PCDH15: variants seen among roughly 807,000 people sequenced by gnomAD.
PCDH15 encodes protocadherin related 15, also known as protocadherin-15.
In PCDH15, 129 loss-of-function variants were observed where a neutral mutation model predicts 178.5. The ratio of observed to expected loss-of-function variants is 0.72; its 90% CI spans 0.63 to 0.84. PCDH15 has a LOEUF of 0.84. Among genes scored for constraint, PCDH15 ranks in the 40% least tolerant of loss-of-function variants. The pLI, the probability that PCDH15 is intolerant of heterozygous loss-of-function variation, is 0.00. For synonymous variants in PCDH15, 800 were observed against 732.0 expected (o/e 1.09, Z -1.50); for missense variants, 2,230 against 2,099.9 (o/e 1.06, Z -1.21).
At chr10:54,859,947 T>C (rs1217434406) in intron 3 of PCDH15, among the ~76,000 whole-genome samples, 1 of 152,002 alleles carries the variant, frequency 6.6e-6, no homozygotes, top group Non-Finnish European at 1.5e-5. Flanking sequence ...TAAGCATCTA[T>C]TCCCATTAAT....
At chr10:54,462,680 ATTTTTTTTTTTTTT>A (rs767750465) in intron 3 of PCDH15, among the ~76,000 whole-genome samples, 19 of 56,234 alleles carry the variant, frequency 3.4e-4, no homozygotes, top group African/African-American at 1.2e-3. Flanking sequence ...CACCTGCTTA[ATTTTTTTTTTTTTT>A]TTTTTTTTTT....
intron 13 of PCDH15, among the ~76,000 whole-genome samples, chr10:54,169,907 C>G (rs1413804931): frequency 6.6e-6 from 1 of 151,140 alleles, no homozygotes; most frequent in Non-Finnish European, 1.5e-5. Flanking sequence ...GCCTTATCAA[C>G]CAAATTGTTT....
rs10825127 is a variant in PCDH15 at position 53,855,924 on chromosome 10, A to G, written c.3806+1251T>C. On this transcript the variant is annotated intron_variant, in intron 28 of 37. Coordinates refer to ENST00000644397, the MANE Select transcript of PCDH15 (RefSeq NM_001384140.1). The stretch of plus-strand genomic sequence containing the variant: ...GATATGTATATATATATATATATGT[A>G]TGTGTGTGTGTGTAATGAAATAGTA... Among the ~76,000 whole-genome samples, 1,122 of 140,734 alleles carry G rather than the reference A, an allele frequency of 8.0e-3. 61 individuals carry two copies. The highest frequency in any genetic ancestry group is 0.068 in the East Asian group (226 of 3,326). 92.3% of individuals were successfully genotyped at this position (140,734 alleles called of 152,430 possible).
At chr10:55,167,598 C>A (rs1839229772) in intron 1 of PCDH15, among the ~76,000 whole-genome samples, 1 of 152,116 alleles carries the variant, frequency 6.6e-6, no homozygotes. Flanking sequence ...ACATTGGTAT[C>A]TTTCTACTGT....
chr10:53,826,444 G>GTAAC (rs1321602358), intron 32 of PCDH15, among the ~76,000 whole-genome samples: 1 of 151,886 alleles, frequency 6.6e-6, no homozygotes, highest in Non-Finnish European at 1.5e-5. Flanking sequence ...ATTGCTACTA[G>GTAAC]TAACTGATAC....
intron 2 of PCDH15, among the ~76,000 whole-genome samples, chr10:55,006,494 T>A (rs1839930905): frequency 6.6e-6 from 1 of 152,226 alleles, no homozygotes; most frequent in Non-Finnish European, 1.5e-5. Flanking sequence ...AGCTAAAAGG[T>A]AGAAGGAACA....
intron 2 of PCDH15, among the ~76,000 whole-genome samples, chr10:54,905,841 C>T (rs1954710269): frequency 6.6e-6 from 1 of 152,090 alleles, no homozygotes; most frequent in Non-Finnish European, 1.5e-5. Flanking sequence ...TCCCTCTTAA[C>T]ATTTCCTTTT....
chr10:55,147,584 C>T (rs1838558045), intron 2 of PCDH15, among the ~76,000 whole-genome samples: 1 of 151,020 alleles, frequency 6.6e-6, no homozygotes, highest in Non-Finnish European at 1.5e-5. Flanking sequence ...TCTTTTCTTT[C>T]TTTCCTCCTT....
intron 2 of PCDH15, among the ~76,000 whole-genome samples, chr10:55,141,684 C>A (rs1838356727): frequency 6.6e-6 from 1 of 151,990 alleles, no homozygotes; most frequent in Admixed American, 6.6e-5. Context: ...GAAATAAGTA[C>A]ACCTTAACTG....
intron 2 of PCDH15, among the ~76,000 whole-genome samples, chr10:54,907,259 C>T (rs370147345): frequency 3.9e-5 from 6 of 152,136 alleles, no homozygotes; most frequent in Non-Finnish European, 8.8e-5. Flanking sequence ...TCCAGGTATG[C>T]TTCTAACAGA....
At chr10:54,527,780 TAAGAC>T (rs1441378809) in intron 3 of PCDH15, 27 bp downstream of exon 3, 1 of 1,544,704 alleles carries the variant, frequency 6.5e-7, no homozygotes, top group Non-Finnish European at 8.9e-7. Flanking sequence ...CCCTCTTAGA[TAAGAC>T]ATTTGTAAAA....
intron 15 of PCDH15, among the ~76,000 whole-genome samples, chr10:54,110,899 T>G (rs1018960501): frequency 6.6e-6 from 1 of 152,204 alleles, no homozygotes; most frequent in Non-Finnish European, 1.5e-5. Context: ...TCTTAATAAC[T>G]CTTCCAATGT....
intron 2 of PCDH15, among the ~76,000 whole-genome samples, chr10:54,655,246 GAAAGAAAGAA>G (rs1234568151): frequency 1.1e-5 from 1 of 87,272 alleles, no homozygotes; most frequent in Non-Finnish European, 2.3e-5. Context: ...GGGAAAGAAA[GAAAGAAAGAA>G]AGAGAGAGAG....
chr10:55,446,037 A>G (rs1839308547), intron 2 of PCDH15, among the ~76,000 whole-genome samples: 1 of 152,170 alleles, frequency 6.6e-6, no homozygotes, highest in African/African-American at 2.4e-5. Context: ...TTCAGTACCT[A>G]GAATGCTGGT....
chr10:54,798,061 A>C (rs1203458357), intron 1 of PCDH15, among the ~76,000 whole-genome samples: 1 of 152,058 alleles, frequency 6.6e-6, no homozygotes, highest in African/African-American at 2.4e-5. Context: ...TCACCATTTC[A>C]ACCTAAGTGC....
At chr10:55,176,797 A>G (rs950238285) in intron 1 of PCDH15, among the ~76,000 whole-genome samples, 1 of 152,012 alleles carries the variant, frequency 6.6e-6, no homozygotes, top group Non-Finnish European at 1.5e-5. Context: ...CCTGCATACC[A>G]CTACACCCTG....
At chr10:55,603,013 C>T (rs533318083) in intron 2 of PCDH15, among the ~76,000 whole-genome samples, 49 of 152,034 alleles carry the variant, frequency 3.2e-4, no homozygotes, top group African/African-American at 1.1e-3. Flanking sequence ...GAATGTATAA[C>T]TAGAATAACC....
At chr10:54,173,706 GT>G (rs1486373497) in intron 13 of PCDH15, among the ~76,000 whole-genome samples, 1 of 152,090 alleles carries the variant, frequency 6.6e-6, no homozygotes, top group Non-Finnish European at 1.5e-5. Context: ...TAGGCATACA[GT>G]AGTGATAGAA....
At chr10:54,077,260 T>C (rs892851821) in intron 17 of PCDH15, among the ~76,000 whole-genome samples, 1 of 152,174 alleles carries the variant, frequency 6.6e-6, no homozygotes, top group Non-Finnish European at 1.5e-5. Context: ...AACGAGGACC[T>C]AGAAATGCTA....
Sources: allele counts gnomAD v4.1 joint callset (sites outside exome capture counted in the v4.1 genomes callset), GRCh38; gene constraint gnomAD v4.1.1; transcripts MANE v1.5; gene names NCBI Gene and HGNC (gene_info 2026-07-23, HGNC 2026-07-21).